RIN2: variants seen among roughly 807,000 people sequenced by gnomAD.
The protein encoded by RIN2 is RAB5 interacting protein 2.
In RIN2, 36 loss-of-function variants were observed where a neutral mutation model predicts 78.0. That is an observed-to-expected ratio of 0.46 (90% CI 0.35 to 0.61). The LOEUF (loss-of-function observed/expected upper bound fraction) is 0.61, where lower values mean the gene tolerates loss of function less well. Ranked by LOEUF, RIN2 falls within the 20% of genes least tolerant of loss-of-function variation. RIN2 has a pLI of 0.00. For missense variants in RIN2, 1,087 were observed against 1,159.7 expected, an observed-to-expected ratio of 0.94 and a Z score of 0.91; for synonymous variants, 466 against 466.8, an observed-to-expected ratio of 1.00 and a Z score of 0.02.
intron 1 of RIN2, among the ~76,000 whole-genome samples, chr20:19,760,431 GGAGCTT>G (rs962263502): frequency 6.6e-6 from 1 of 152,046 alleles, no homozygotes; most frequent in African/African-American, 2.4e-5. Context: ...CAGGTGGGAG[GGAGCTT>G]GACTCCCAGG....
chr20:19,806,617 C>T (rs775259271), intron 2 of RIN2, among the ~76,000 whole-genome samples: 7 of 152,192 alleles, frequency 4.6e-5, no homozygotes, highest in Non-Finnish European at 8.8e-5. Context: ...GAAAACTGAG[C>T]TGGGTGTGAT....
At chr20:19,844,342 G>A (rs1172025547) in intron 2 of RIN2, among the ~76,000 whole-genome samples, 1 of 152,124 alleles carries the variant, frequency 6.6e-6, no homozygotes, top group Non-Finnish European at 1.5e-5. Context: ...GAAACCACTC[G>A]AATATAAACA....
rs374812358 is a variant in RIN2, at chr20:19,889,627, G to C, written c.26G>C (p.Arg9Pro). ...ATGACAGCTTGGACCATGGGCGCCC[G>C]CGGTCTGGACAAGCGAGGAAGTTTC... MTAWTMGA[R>P]GLDKRGSFFK... The change falls in exon 3 of 13, where the codon CGC becomes CCC. Residue 9 changes from arginine to proline, a missense_variant. Physicochemically the swap from Arg to Pro is moderately radical, Grantham distance 103 (BLOSUM62 -2). Transcript: ENST00000255006. The C allele has an allele frequency of 1.3e-6, 2 of 1,548,900 alleles. No homozygotes were observed. The highest frequency in any genetic ancestry group is 2.7e-5 in the African/African-American group (2 of 73,176).
In RIN2 at chr20:19,920,248, A is replaced by G. The variant is rs559121178; in HGVS notation, c.58-14851A>G. ...GAGGGGGAGCTTGCAGTGAGCTGAG[A>G]TCGCGCCACTGCACTCCAGTCTGGG... On this transcript the variant is annotated intron_variant, in intron 3 of 12. Coordinates refer to ENST00000255006, the MANE Select transcript of RIN2 (RefSeq NM_018993.4). Among the ~76,000 whole-genome samples the G allele has an allele frequency of 2.0e-5, 3 of 150,546 alleles. No homozygotes were observed. The East Asian group carries it at 6.0e-4, about 30-fold the overall frequency.
intron 4 of RIN2, among the ~76,000 whole-genome samples, chr20:19,950,908 G>A (rs1408258004): frequency 2.3e-5 from 3 of 127,932 alleles, no homozygotes; most frequent in African/African-American, 8.8e-5. Flanking sequence ...TTCTTTTTTT[G>A]GGACAGAGTC....
chr20:19,800,504 G>A (rs747962474), intron 2 of RIN2, among the ~76,000 whole-genome samples: 20 of 152,206 alleles, frequency 1.3e-4, no homozygotes, highest in Non-Finnish European at 8.8e-5. Context: ...AGGTGACGGG[G>A]CTTCCACGTA....
chr20:19,942,504 G>A (rs2040919836), intron 4 of RIN2, among the ~76,000 whole-genome samples: 1 of 152,130 alleles, frequency 6.6e-6, no homozygotes, highest in Non-Finnish European at 1.5e-5. Flanking sequence ...GGTGGAAAAA[G>A]CACAATGCAG....
intron 3 of RIN2, among the ~76,000 whole-genome samples, chr20:19,896,176 ATTTTT>A (rs572434304): frequency 6.6e-6 from 1 of 151,806 alleles, no homozygotes. Context: ...TTCTTTTTTT[ATTTTT>A]TTTATTTTTA....
At chr20:19,908,053 A>G (rs1169059397) in intron 3 of RIN2, among the ~76,000 whole-genome samples, 2 of 152,110 alleles carry the variant, frequency 1.3e-5, no homozygotes, top group African/African-American at 4.8e-5. Context: ...CACCTTCCTC[A>G]TGCCTGTAAC....
intron 2 of RIN2, among the ~76,000 whole-genome samples, chr20:19,844,698 C>CT (rs2036720210): frequency 0.012 from 310 of 26,326 alleles, 30 homozygotes; most frequent in African/African-American, 0.03. Flanking sequence ...CTTCCTCTTC[C>CT]TCTTCTTCTT....
intron 3 of RIN2, among the ~76,000 whole-genome samples, chr20:19,901,279 C>T (rs191356857): frequency 3.1e-4 from 47 of 152,246 alleles, no homozygotes; most frequent in Non-Finnish European, 5.4e-4. Flanking sequence ...GGTGTTACTA[C>T]TGGTGTCTTT....
At chr20:19,791,025 A>G (rs2034873690) in intron 1 of RIN2, among the ~76,000 whole-genome samples, 1 of 152,116 alleles carries the variant, frequency 6.6e-6, no homozygotes, top group Admixed American at 6.6e-5. Context: ...GCCTTTCCCC[A>G]TACTCCCCAG....
chr20:19,968,485 G>T (rs74380689), intron 7 of RIN2, among the ~76,000 whole-genome samples: 6,634 of 152,262 alleles, frequency 0.044, 202 homozygotes, highest in Non-Finnish European at 0.066. Context: ...GCATGTGTGT[G>T]TGCATGTGTG....
chr20:19,862,856 T>C (rs1015807491), intron 2 of RIN2, among the ~76,000 whole-genome samples: 1 of 152,230 alleles, frequency 6.6e-6, no homozygotes, highest in African/African-American at 2.4e-5. Context: ...GCACGTTTTC[T>C]GAGTTGAATC....
chr20:19,984,565 A>C (rs1340445501), intron 9 of RIN2, among the ~76,000 whole-genome samples: 10 of 152,150 alleles, frequency 6.6e-5, no homozygotes, highest in African/African-American at 2.4e-4. Context: ...TCAGGAGTTC[A>C]AGACCAGCCT....
At chr20:19,874,963 C>T (rs977818903) in intron 2 of RIN2, among the ~76,000 whole-genome samples, 4 of 151,982 alleles carry the variant, frequency 2.6e-5, no homozygotes, top group South Asian at 2.1e-4. Context: ...TGGGTTCAAG[C>T]GATTCTCATG....
intron 2 of RIN2, among the ~76,000 whole-genome samples, chr20:19,820,231 T>C (rs1281305338): frequency 2.0e-5 from 3 of 152,228 alleles, no homozygotes; most frequent in Admixed American, 1.3e-4. Context: ...TGGCCAATGT[T>C]ATGATTATTT....
At chr20:19,943,983 T>TG (rs2040985047) in intron 4 of RIN2, among the ~76,000 whole-genome samples, 1 of 138,452 alleles carries the variant, frequency 7.2e-6, no homozygotes, top group African/African-American at 2.5e-5. Flanking sequence ...TCCTTTTTTT[T>TG]TTTTTTTTTT....
intron 2 of RIN2, among the ~76,000 whole-genome samples, chr20:19,836,137 G>A (rs138815281): frequency 7.1e-4 from 108 of 152,240 alleles, no homozygotes; most frequent in African/African-American, 2.4e-3. Context: ...TTGTTCCCAC[G>A]ACTGGTATCA....
Sources: gnomAD v4.1 joint callset for allele counts (sites outside exome capture counted in the v4.1 genomes callset) on GRCh38, gnomAD v4.1.1 for gene constraint, MANE v1.5 for transcripts, NCBI Gene and HGNC (gene_info 2026-07-23, HGNC 2026-07-21) for gene names.